The following MVB12B variants were observed in gnomAD, a reference collection of about 807,000 sequenced individuals.
MVB12B encodes the protein multivesicular body subunit 12B.
Under a neutral mutation model 41.6 loss-of-function variants are expected in MVB12B, and 16 were observed. The ratio of observed to expected loss-of-function variants is 0.38; its 90% CI spans 0.26 to 0.58. The LOEUF (loss-of-function observed/expected upper bound fraction) is 0.58. MVB12B is among the 20% of genes least tolerant of loss of function. The probability of loss-of-function intolerance (pLI) is 0.62; values close to 1 mark genes in which losing one functional copy is unlikely to be tolerated. For synonymous variants in MVB12B, 133 were observed against 139.7 expected (o/e 0.95, Z 0.34); for missense variants, 274 against 380.2 (o/e 0.72, Z 2.32).
At chr9:126,352,797 CAG>C (rs1284345431) in intron 2 of MVB12B, among the ~76,000 whole-genome samples, 1 of 152,134 alleles carries the variant, frequency 6.6e-6, no homozygotes, top group Non-Finnish European at 1.5e-5. Context: ...TATGTTAATT[CAG>C]AGTTAGCCAG....
intron 2 of MVB12B, among the ~76,000 whole-genome samples, chr9:126,346,934 G>T (rs1025478685): frequency 6.6e-6 from 1 of 152,262 alleles, no homozygotes; most frequent in Non-Finnish European, 1.5e-5. Context: ...CAAGGTTAGA[G>T]TGGACCTGCA....
intron 7 of MVB12B, among the ~76,000 whole-genome samples, chr9:126,469,552 A>T (rs1330719398): frequency 6.6e-6 from 1 of 152,242 alleles, no homozygotes. Flanking sequence ...CGTGCTCCGT[A>T]GTCACAGGCC....
chr9:126,421,998 G>T, intron 7 of MVB12B, 50 bp downstream of exon 7: 1 of 1,316,296 alleles, frequency 7.6e-7, no homozygotes. Context: ...TGTCCCGGGC[G>T]CCACCTCCTT....
At chr9:126,479,538 G>A (rs150915997) in intron 7 of MVB12B, among the ~76,000 whole-genome samples, 6 of 152,338 alleles carry the variant, frequency 3.9e-5, no homozygotes, top group East Asian at 1.9e-4. Context: ...AATGCGGGAC[G>A]TACTGAGTGA....
intron 7 of MVB12B, among the ~76,000 whole-genome samples, chr9:126,422,289 AGCCCTGGTCG>A (rs1487910057): frequency 6.6e-6 from 1 of 152,148 alleles, no homozygotes; most frequent in East Asian, 1.9e-4. Flanking sequence ...CGCCGAGCTG[AGCCCTGGTCG>A]GCTCACCCTC....
At chr9:126,369,503 C>T (rs1830276027) in intron 2 of MVB12B, among the ~76,000 whole-genome samples, 1 of 152,216 alleles carries the variant, frequency 6.6e-6, no homozygotes, top group Admixed American at 6.5e-5. Context: ...CCCCCAGGCC[C>T]ATGCCTCCCT....
At position 126,468,621 on chromosome 9, in the gene MVB12B, A is replaced by T. The variant is rs1002846030; in HGVS notation, c.758-12748A>T. Among the ~76,000 whole-genome samples the T allele has an allele frequency of 2.0e-5, 3 of 152,090 alleles. No homozygotes were observed. Among genetic ancestry groups the T allele is most frequent in the Non-Finnish European group, 4.4e-5 (3 of 68,014 alleles). On this transcript the variant is annotated intron_variant, in intron 7 of 9. Coordinates refer to ENST00000361171, the MANE Select transcript of MVB12B (RefSeq NM_033446.3). The surrounding 1 kb of genome is among the most constrained non-coding windows in gnomAD (Gnocchi z 4.3). ...CTCCATTCTTACTGCCACTGCCCTCATCCGGGCCACCAGCGTCCCTCGCCT... is the reference window on the plus strand; with the variant it reads ...CTCCATTCTTACTGCCACTGCCCTCTTCCGGGCCACCAGCGTCCCTCGCCT...
At chr9:126,397,746 T>C in intron 6 of MVB12B, 3 of 429,316 alleles carry the variant, frequency 7.0e-6, no homozygotes, top group Non-Finnish European at 9.3e-6. Flanking sequence ...TCCTATCCAG[T>C]ATCTTTGATT....
intron 7 of MVB12B, among the ~76,000 whole-genome samples, chr9:126,425,648 C>T (rs1312349890): frequency 6.6e-6 from 1 of 152,182 alleles, no homozygotes; most frequent in African/African-American, 2.4e-5. Context: ...CCTGAAATCA[C>T]CTGTTCATTC....
chr9:126,412,659 G>C (rs1018544104), intron 6 of MVB12B, among the ~76,000 whole-genome samples: 2 of 152,106 alleles, frequency 1.3e-5, no homozygotes, highest in Non-Finnish European at 2.9e-5. Flanking sequence ...AGAGCAGTGG[G>C]GAGAATCCAC....
chr9:126,386,706 C>T lies in MVB12B; in HGVS notation c.409+48C>T. ...TCATCACAATGAGCGTTTTCTTCCT[C>T]CAGGTATATTTGTAGGTGTTTTTCT... On this transcript the variant is annotated intron_variant, in intron 4 of 9. Transcript: ENST00000361171. This position sits in a 1 kb window ranked among gnomAD's most constrained non-coding sequence, Gnocchi z 4.3. The T allele has an allele frequency of 1.5e-6, 2 of 1,364,402 alleles. No individual in the cohort carries two copies. Among genetic ancestry groups the T allele is most frequent in the South Asian group, 1.2e-5 (1 of 84,880 alleles). The allele number at this position is 1,364,402 out of a possible 1,614,324, so 84.5% of individuals were successfully genotyped here.
chr9:126,433,066 G>A (rs989537111), intron 7 of MVB12B, among the ~76,000 whole-genome samples: 2 of 152,208 alleles, frequency 1.3e-5, no homozygotes, highest in African/African-American at 4.8e-5. Context: ...AACAGTGAAG[G>A]TGGGGAGCCC....
intron 6 of MVB12B, among the ~76,000 whole-genome samples, chr9:126,411,462 G>A (rs1831647848): frequency 6.6e-6 from 1 of 152,182 alleles, no homozygotes; most frequent in Non-Finnish European, 1.5e-5. Context: ...GGCCTTGTGT[G>A]CCTGTTGATA....
At chr9:126,409,115 T>TA (rs568226203) in intron 6 of MVB12B, among the ~76,000 whole-genome samples, 1 of 142,706 alleles carries the variant, frequency 7.0e-6, no homozygotes, top group African/African-American at 3.0e-5. Context: ...ACTTCCATTG[T>TA]GGGGGGGGGC....
chr9:126,421,829 T>C lies in MVB12B; in HGVS notation c.663-25T>C, dbSNP rs145434007. 11,500 of 1,578,150 alleles carry C rather than the reference T, an allele frequency of 7.3e-3. 71 individuals are homozygous for C. Among genetic ancestry groups the C allele is most frequent in the Non-Finnish European group, 8.5e-3 (9,802 of 1,147,074 alleles). Reference sequence around the variant, plus strand: ...TTGGGGAATGCTCCTTGTAATCTCCTTTCTCTCGTCCTTCTCTTCCTCAGG... The same window carrying C: ...TTGGGGAATGCTCCTTGTAATCTCCCTTCTCTCGTCCTTCTCTTCCTCAGG... On this transcript the variant is annotated intron_variant, in intron 6 of 9. Coordinates refer to ENST00000361171, the MANE Select transcript of MVB12B (RefSeq NM_033446.3).
At chr9:126,369,896 AC>A (rs776323869) in intron 2 of MVB12B, among the ~76,000 whole-genome samples, 1 of 151,768 alleles carries the variant, frequency 6.6e-6, no homozygotes, top group Non-Finnish European at 1.5e-5. Context: ...CAGGTGATCC[AC>A]CCACCTGGGC....
At chr9:126,380,146 T>C (rs1312295051) in intron 2 of MVB12B, among the ~76,000 whole-genome samples, 6 of 152,162 alleles carry the variant, frequency 3.9e-5, no homozygotes, top group Admixed American at 2.0e-4. Flanking sequence ...GGTTGATTCA[T>C]GCTCTCAGAG....
At chr9:126,355,358 A>C (rs1174880946) in intron 2 of MVB12B, among the ~76,000 whole-genome samples, 1 of 152,348 alleles carries the variant, frequency 6.6e-6, no homozygotes, top group East Asian at 1.9e-4. Flanking sequence ...TGTGAGGCCC[A>C]CGTGCATAGA....
chr9:126,364,449 C>T (rs1404202808), intron 2 of MVB12B, among the ~76,000 whole-genome samples: 3 of 152,160 alleles, frequency 2.0e-5, no homozygotes, highest in Admixed American at 2.0e-4. Context: ...TGGTTGGAGC[C>T]AGAGGAGGCT....
Sources: allele counts gnomAD v4.1 joint callset (sites outside exome capture counted in the v4.1 genomes callset), GRCh38; gene constraint gnomAD v4.1.1; non-coding constraint Gnocchi (gnomAD v3.1); transcripts MANE v1.5; gene names NCBI Gene and HGNC (gene_info 2026-07-23, HGNC 2026-07-21).